The following KNTC1 variants were observed in gnomAD, a reference collection of about 807,000 sequenced individuals.
KNTC1 encodes the protein kinetochore-associated protein 1.
KNTC1 carries 253 observed loss-of-function variants against 314.4 expected under a neutral mutation model. The observed-to-expected ratio is 0.80, with a 90% CI of 0.73 to 0.89. The LOEUF is 0.89. Ranked by LOEUF, KNTC1 falls within the 40% of genes least tolerant of loss-of-function variation. The pLI, the probability that KNTC1 is intolerant of heterozygous loss-of-function variation, is 0.00. For synonymous variants in KNTC1, 901 were observed against 901.4 expected, an observed-to-expected ratio of 1.00 and a Z score of 0.01; for missense variants, 2,475 against 2,572.9, an observed-to-expected ratio of 0.96 and a Z score of 0.82.
At chr12:122,562,085 ACTTTT>A (rs1964013336) in intron 19 of KNTC1, 111 bp downstream of exon 19, 1 of 1,049,604 alleles carries the variant, frequency 9.5e-7, no homozygotes, top group Non-Finnish European at 1.4e-6. Flanking sequence ...TCAATACCTT[ACTTTT>A]CTTATCTGCA....
In KNTC1 at chr12:122,546,285, G is replaced by T; in HGVS notation, c.763+16G>T. 2 of 1,401,458 alleles carry T rather than the reference G, an allele frequency of 1.4e-6. No individual in the cohort carries two copies. The highest frequency in any genetic ancestry group is 2.0e-6 in the Non-Finnish European group (2 of 990,218). 86.8% of individuals were successfully genotyped at this position (1,401,458 alleles called of 1,614,324 possible). On this transcript the variant is annotated intron_variant, in intron 9 of 63. Transcript: ENST00000333479. The stretch of plus-strand genomic sequence containing the variant: ...ATTATTAAAGGTAAAATAAGTTAAT[G>T]AAACTACTTTAGACAATTATTAGTG...
Position 122,557,476 on chromosome 12 carries a change from A to G in KNTC1, c.1365A>G (p.Val455=). The change falls in exon 17 of 64, where the codon GTA becomes GTG. Residue 455 remains valine, a synonymous_variant. Transcript: ENST00000333479. ...AACAGACCGAATGGCAACAACTTGT[A>G]GACGACGCTAAGGAAAATCTACATA... is the stretch of plus-strand genomic sequence containing the variant. ...ASEQTEWQQL[V]DDAKENLHKI... The G allele has an allele frequency of 6.2e-7, 1 of 1,613,878 alleles. No homozygotes were observed. Among genetic ancestry groups the G allele is most frequent in the East Asian group, 2.2e-5 (1 of 44,882 alleles).
chr12:122,558,189 G>T (rs999907175), intron 18 of KNTC1, among the ~76,000 whole-genome samples: 2 of 152,180 alleles, frequency 1.3e-5, no homozygotes, highest in African/African-American at 4.8e-5. Flanking sequence ...GGCAGAGGTT[G>T]CAGTGAGCTA....
chr12:122,562,024 AAT>A, intron 19 of KNTC1, 50 bp downstream of exon 19: 1 of 1,536,924 alleles, frequency 6.5e-7, no homozygotes, highest in South Asian at 1.2e-5. Flanking sequence ...ATACCTTTAT[AAT>A]ATGTTTTCCA....
intron 33 of KNTC1, 126 bp from the exon 34 acceptor site, chr12:122,582,579 C>T (rs1868577185): frequency 3.6e-6 from 3 of 834,074 alleles, no homozygotes; most frequent in African/African-American, 3.4e-5. Flanking sequence ...AGGTGAGAAG[C>T]CCAGACATGT....
At chr12:122,617,512 C>T (rs1873898811) in intron 57 of KNTC1, 1 of 291,556 alleles carries the variant, frequency 3.4e-6, no homozygotes, top group Non-Finnish European at 7.1e-6. Flanking sequence ...GTGTGAGCCA[C>T]CGCGCCTGGC....
intron 63 of KNTC1, among the ~76,000 whole-genome samples, chr12:122,625,646 A>G (rs1874956712): frequency 6.6e-6 from 1 of 152,124 alleles, no homozygotes; most frequent in Non-Finnish European, 1.5e-5. Flanking sequence ...AAAGAGAAAA[A>G]TACTAAACTG....
chr12:122,575,269 C>G (rs1964937037), intron 27 of KNTC1, among the ~76,000 whole-genome samples: 1 of 151,398 alleles, frequency 6.6e-6, no homozygotes, highest in Admixed American at 6.6e-5. Flanking sequence ...CTCAAAAAAA[C>G]AAAAAAAACC....
chr12:122,585,559 A>G (rs568663754), intron 36 of KNTC1, 77 bp from the exon 37 acceptor site: 61 of 1,473,682 alleles, frequency 4.1e-5, no homozygotes, highest in Non-Finnish European at 5.3e-5. Flanking sequence ...TGAAATTTCT[A>G]TAAGCCATAG....
At chr12:122,527,963 G>A (rs764780510) in intron 1 of KNTC1, among the ~76,000 whole-genome samples, 11 of 152,208 alleles carry the variant, frequency 7.2e-5, no homozygotes, top group South Asian at 2.1e-4. Context: ...AATTATTTGT[G>A]CAGTTGCTTT....
intron 3 of KNTC1, among the ~76,000 whole-genome samples, chr12:122,535,094 T>C (rs992747675): frequency 4.6e-5 from 7 of 152,260 alleles, no homozygotes; most frequent in Admixed American, 3.3e-4. Context: ...TCCTGAATCT[T>C]GTACAGAATT....
intron 55 of KNTC1, among the ~76,000 whole-genome samples, chr12:122,614,449 C>T (rs1350798631): frequency 6.6e-6 from 1 of 152,072 alleles, no homozygotes; most frequent in Non-Finnish European, 1.5e-5. Flanking sequence ...GTCCAACAGG[C>T]AAACTTTTTC....
chr12:122,582,348 G>A (rs1868529705), intron 33 of KNTC1, among the ~76,000 whole-genome samples: 1 of 152,178 alleles, frequency 6.6e-6, no homozygotes, highest in Non-Finnish European at 1.5e-5. Context: ...AGACTAGAAG[G>A]TGGAGGCTGC....
At chr12:122,536,107 G>A (rs146928996) in intron 3 of KNTC1, among the ~76,000 whole-genome samples, 2,764 of 148,452 alleles carry the variant, frequency 0.019, 93 homozygotes, top group African/African-American at 0.065. Flanking sequence ...ATTTCACCAT[G>A]TTAGCCAGGA....
In KNTC1 at chr12:122,597,955, A is replaced by G; in HGVS notation, c.4563+17A>G. 6.2e-7 allele frequency: 1 copy of G among 1,602,860 alleles called. No individual in the cohort carries two copies. The highest frequency in any genetic ancestry group is 1.3e-5 in the African/African-American group (1 of 74,826). ...CTACATAAGGTAGACACACAGTGAA[A>G]TGAATCGGGTCATCTCAGCCATCCC... is the stretch of plus-strand genomic sequence containing the variant. On this transcript the variant is annotated intron_variant, in intron 44 of 63. Transcript: ENST00000333479.
Position 122,529,971 on chromosome 12 carries a change from A to T in KNTC1, c.-73-20A>T. The T allele has an allele frequency of 7.4e-7, 1 of 1,354,826 alleles. No individual in the cohort carries two copies. Among genetic ancestry groups the T allele is most frequent in the East Asian group, 2.4e-5 (1 of 41,116 alleles). The allele number at this position is 1,354,826 out of a possible 1,614,324, so 83.9% of individuals were successfully genotyped here. A position where few individuals can be genotyped will look rare whatever the true frequency, so the allele number is the denominator to read the frequency against. On this transcript the variant is annotated intron_variant, in intron 1 of 63. Coordinates refer to ENST00000333479, the MANE Select transcript of KNTC1 (RefSeq NM_014708.6). The stretch of plus-strand genomic sequence containing the variant: ...AGTAAGCTTTATCATTTCCCAAGGA[A>T]CCAGGTTCTATGCAACAAGATAATA...
At chr12:122,590,429 T>A (rs936036831) in intron 40 of KNTC1, among the ~76,000 whole-genome samples, 178 bp from the exon 41 acceptor site, 3 of 152,182 alleles carry the variant, frequency 2.0e-5, no homozygotes, top group Non-Finnish European at 4.4e-5. Context: ...TGTCTATAAT[T>A]CAATTTAGTG....
Position 122,534,791 on chromosome 12 carries a change from A to G in KNTC1, c.250+7A>G. The stretch of plus-strand genomic sequence containing the variant: ...CAATTGCATCTTGTCTTTGGTAAGT[A>G]TAATGTAGTGAATGAAGTAAGATAA... On this transcript the variant is annotated splice_region_variant and intron_variant, in intron 3 of 63. Transcript: ENST00000333479. 6.2e-7 allele frequency: 1 copy of G among 1,612,036 alleles called. No individual in the cohort carries two copies. Among genetic ancestry groups the G allele is most frequent in the Non-Finnish European group, 8.5e-7 (1 of 1,178,530 alleles).
At chr12:122,586,173 C>T (rs527425331) in intron 37 of KNTC1, among the ~76,000 whole-genome samples, 1 of 152,306 alleles carries the variant, frequency 6.6e-6, no homozygotes, top group African/African-American at 2.4e-5. Context: ...ACCTCTGCCT[C>T]CTGGGTTCAA....
Sources: gnomAD v4.1 joint callset for allele counts (sites outside exome capture counted in the v4.1 genomes callset) on GRCh38, gnomAD v4.1.1 for gene constraint, MANE v1.5 for transcripts, NCBI Gene and HGNC (gene_info 2026-07-23, HGNC 2026-07-21) for gene names.